The following ZFHX3 variants were observed in gnomAD, a reference collection of about 807,000 sequenced individuals.
The protein encoded by ZFHX3 is zinc finger homeobox 3.
ZFHX3 carries 42 observed loss-of-function variants against 279.1 expected under a neutral mutation model. The observed-to-expected ratio is 0.15, with a 90% CI of 0.12 to 0.19. ZFHX3 has a LOEUF of 0.19. Ranked by LOEUF, ZFHX3 falls within the 10% of genes least tolerant of loss-of-function variation. The probability of loss-of-function intolerance (pLI) is 1.00; values close to 1 mark genes in which losing one functional copy is unlikely to be tolerated. For missense variants in ZFHX3, 4,981 were observed against 4,754.0 expected (o/e 1.05, Z -1.40); for synonymous variants, 2,293 against 1,957.8 (o/e 1.17, Z -4.52).
rs372961340 is a variant in ZFHX3 at position 73,801,994 on chromosome 16, C to A, written c.-1608+89657G>T. Reference sequence around the variant, plus strand: ...TCTCTCCTCGCCGTTAGAGGAACAGCCCACCTGAAAGCATGCATCCTGAAG... The same window carrying A: ...TCTCTCCTCGCCGTTAGAGGAACAGACCACCTGAAAGCATGCATCCTGAAG... On this transcript the variant is annotated intron_variant, in intron 1 of 17. Transcript: ENST00000641206. 1.9e-4 allele frequency among the ~76,000 whole-genome samples: 29 copies of A among 152,250 alleles called. No homozygotes were observed. The East Asian group carries it at 5.0e-3, about 26-fold the overall frequency.
chr16:73,279,158 C>G (rs2014393190), intron 4 of ZFHX3, among the ~76,000 whole-genome samples: 1 of 151,858 alleles, frequency 6.6e-6, no homozygotes, highest in Non-Finnish European at 1.5e-5. Context: ...TCATTTTGCA[C>G]AAATTTTAAG....
intron 5 of ZFHX3, among the ~76,000 whole-genome samples, chr16:73,190,740 T>A (rs1488108549): frequency 6.6e-6 from 1 of 152,150 alleles, no homozygotes; most frequent in Non-Finnish European, 1.5e-5. Flanking sequence ...AACCGTTTTA[T>A]CCGGATTTAA....
intron 2 of ZFHX3, among the ~76,000 whole-genome samples, chr16:73,549,808 T>C (rs1351283038): frequency 6.6e-6 from 1 of 152,068 alleles, no homozygotes; most frequent in Non-Finnish European, 1.5e-5. Flanking sequence ...TTTCTTCTTT[T>C]TCTTCTTCTT....
intron 1 of ZFHX3, chr16:73,815,568 T>C (rs1021198383): frequency 2.0e-5 from 3 of 152,094 alleles, no homozygotes; most frequent in Non-Finnish European, 4.4e-5. Flanking sequence ...TCCTTTTTTT[T>C]TTTTTCTTTT....
chr16:73,596,183 G>A (rs908161875), intron 2 of ZFHX3, among the ~76,000 whole-genome samples: 4 of 151,704 alleles, frequency 2.6e-5, no homozygotes, highest in East Asian at 1.9e-4. Context: ...CACCACGCCC[G>A]GCTAATTTTT....
At chr16:73,477,522 G>A (rs1040577746) in intron 2 of ZFHX3, among the ~76,000 whole-genome samples, 2 of 152,178 alleles carry the variant, frequency 1.3e-5, no homozygotes. Flanking sequence ...ATGTTCTATG[G>A]TGGGGCTGCT....
chr16:73,607,535 A>G (rs1457886892), intron 2 of ZFHX3, among the ~76,000 whole-genome samples: 1 of 152,262 alleles, frequency 6.6e-6, no homozygotes, highest in Non-Finnish European at 1.5e-5. Context: ...CTTCTATAAA[A>G]TGCGGAAAAT....
chr16:72,989,364 C>T (rs529349504), intron 1 of ZFHX3, among the ~76,000 whole-genome samples: 2 of 151,718 alleles, frequency 1.3e-5, no homozygotes, highest in Non-Finnish European at 2.9e-5. Flanking sequence ...TGACAGTAAT[C>T]CAAGATACTC....
chr16:73,762,357 G>A (rs1001535458), intron 1 of ZFHX3, among the ~76,000 whole-genome samples: 6 of 151,768 alleles, frequency 4.0e-5, no homozygotes, highest in Admixed American at 3.9e-4. Flanking sequence ...GGCTGTGGAG[G>A]AATGCTTTTA....
chr16:73,753,826 A>AT (rs2142272972), intron 1 of ZFHX3, among the ~76,000 whole-genome samples: 1 of 152,304 alleles, frequency 6.6e-6, no homozygotes, highest in South Asian at 2.1e-4. Flanking sequence ...AAGGTTACAT[A>AT]TTGATAGGCT....
chr16:73,765,158 T>G (rs2053916690), intron 1 of ZFHX3, among the ~76,000 whole-genome samples: 1 of 152,182 alleles, frequency 6.6e-6, no homozygotes, highest in African/African-American at 2.4e-5. Flanking sequence ...GGATGATGCT[T>G]TAAAAAACAA....
chr16:73,835,180 A>G (rs1961105197), intron 1 of ZFHX3, among the ~76,000 whole-genome samples: 1 of 152,190 alleles, frequency 6.6e-6, no homozygotes. Context: ...TACTCCCCAA[A>G]GAGGGTGCCT....
intron 1 of ZFHX3, among the ~76,000 whole-genome samples, chr16:72,961,789 C>T (rs1017480378): frequency 3.3e-5 from 5 of 152,142 alleles, no homozygotes; most frequent in Non-Finnish European, 7.4e-5. Context: ...CAAACACATA[C>T]CCCTATCTCT....
At chr16:73,860,416 A>G (rs16972698) in intron 1 of ZFHX3, among the ~76,000 whole-genome samples, 9,338 of 135,952 alleles carry the variant, frequency 0.069, 691 homozygotes, top group African/African-American at 0.2. Flanking sequence ...CAATTTTTCT[A>G]GTCCCACCAA....
chr16:73,169,181 T>A (rs1221267654), intron 5 of ZFHX3, among the ~76,000 whole-genome samples: 1 of 152,198 alleles, frequency 6.6e-6, no homozygotes, highest in Admixed American at 6.5e-5. Flanking sequence ...CAATGCATAT[T>A]GAATGCCTAA....
chr16:72,988,245 C>A (rs1360878557), intron 1 of ZFHX3, among the ~76,000 whole-genome samples: 1 of 152,170 alleles, frequency 6.6e-6, no homozygotes, highest in Non-Finnish European at 1.5e-5. Context: ...AGAAGCTTTC[C>A]AAAGTCAAGT....
At position 73,752,382 on chromosome 16, in the gene ZFHX3, C is replaced by T. The variant is rs376942874; in HGVS notation, c.-1607-72142G>A. Among the ~76,000 whole-genome samples the T allele has an allele frequency of 4.6e-5, 7 of 152,258 alleles. No homozygotes were observed. In the South Asian group the frequency reaches 1.2e-3, roughly 27 times the overall value. On this transcript the variant is annotated intron_variant, in intron 1 of 17. Transcript: ENST00000641206. ...CTGAGGAAATAAAAATGCATGAAAACGCACTGGCTCACACAATCACAAATT... is the reference window on the plus strand; with the variant it reads ...CTGAGGAAATAAAAATGCATGAAAATGCACTGGCTCACACAATCACAAATT...
chr16:73,311,716 A>C lies in ZFHX3; in HGVS notation c.-1194+6524T>G, dbSNP rs548971888. On this transcript the variant is annotated intron_variant, in intron 4 of 17. Coordinates refer to the ZFHX3 transcript ENST00000641206. ...TATTTCTGAAATACGATAAGCATGA[A>C]TTAATTTTCTGATCAAATATAATTT... Among the ~76,000 whole-genome samples, 21 of 152,220 alleles carry C rather than the reference A, an allele frequency of 1.4e-4. No homozygotes were observed. The East Asian group carries it at 3.9e-3, about 28-fold the overall frequency.
At chr16:73,227,967 CTATAACTTTAT>C (rs548328660) in intron 5 of ZFHX3, among the ~76,000 whole-genome samples, 179 of 151,862 alleles carry the variant, frequency 1.2e-3, no homozygotes, top group African/African-American at 4.0e-3. Context: ...CAACTGACAC[CTATAACTTTAT>C]TTAACCTTCA....
Sources: gnomAD v4.1 joint callset for allele counts (sites outside exome capture counted in the v4.1 genomes callset) on GRCh38, gnomAD v4.1.1 for gene constraint, MANE v1.5 for transcripts, NCBI Gene and HGNC (gene_info 2026-07-23, HGNC 2026-07-21) for gene names.